The following NPAS3 variants were observed in gnomAD, a reference collection of about 807,000 sequenced individuals.
NPAS3 encodes the protein neuronal PAS domain protein 3.
In NPAS3, 14 loss-of-function variants were observed where a neutral mutation model predicts 73.1. The observed-to-expected ratio is 0.19, with a 90% confidence interval of 0.13 to 0.30. The LOEUF (loss-of-function observed/expected upper bound fraction) is 0.30. Among genes scored for constraint, NPAS3 ranks in the 10% least tolerant of loss-of-function variants. The probability of loss-of-function intolerance (pLI) is 1.00; values close to 1 mark genes in which losing one functional copy is unlikely to be tolerated. For missense variants in NPAS3, 1,096 were observed against 1,250.0 expected (o/e 0.88, Z 1.86); for synonymous variants, 620 against 541.5 (o/e 1.14, Z -2.01).
intron 2 of NPAS3, among the ~76,000 whole-genome samples, chr14:33,101,034 T>C (rs17538030): frequency 0.061 from 9,249 of 152,224 alleles, 363 homozygotes; most frequent in Middle Eastern, 0.13. Flanking sequence ...ATTGTAATGC[T>C]GTGTTCCTAG....
At chr14:33,780,511 C>A (rs773335924) in intron 9 of NPAS3, 1 of 400,062 alleles carries the variant, frequency 2.5e-6, no homozygotes, top group Non-Finnish European at 4.9e-6. Context: ...ATTTTGGAAT[C>A]TTAATTAAGG....
At chr14:33,389,743 G>A (rs1469104303) in intron 4 of NPAS3, among the ~76,000 whole-genome samples, 2 of 152,072 alleles carry the variant, frequency 1.3e-5, no homozygotes, top group African/African-American at 2.4e-5. Flanking sequence ...TAGCTAAAAT[G>A]TGATTAGCTT....
intron 2 of NPAS3, among the ~76,000 whole-genome samples, chr14:33,205,618 T>C (rs1242308136): frequency 6.6e-6 from 1 of 152,198 alleles, no homozygotes; most frequent in African/African-American, 2.4e-5. Flanking sequence ...GGTGAACTTG[T>C]ATTCTCAGCT....
chr14:33,663,622 C>T (rs990262558), intron 5 of NPAS3, among the ~76,000 whole-genome samples: 15 of 152,060 alleles, frequency 9.9e-5, no homozygotes, highest in East Asian at 3.9e-4. Context: ...AAGGATGGTA[C>T]GGGCTCCTCT....
At chr14:33,714,463 C>T (rs932805529) in intron 6 of NPAS3, among the ~76,000 whole-genome samples, 1 of 152,100 alleles carries the variant, frequency 6.6e-6, no homozygotes, top group South Asian at 2.1e-4. Context: ...ACACCAATTA[C>T]GATCCATACT....
chr14:33,737,341 T>A (rs1460383774), intron 7 of NPAS3, among the ~76,000 whole-genome samples: 3 of 152,176 alleles, frequency 2.0e-5, no homozygotes, highest in Non-Finnish European at 4.4e-5. Context: ...GGCTTAGGAT[T>A]AAAGATGCTT....
At chr14:33,714,760 A>G (rs2060914579) in intron 6 of NPAS3, among the ~76,000 whole-genome samples, 2 of 152,180 alleles carry the variant, frequency 1.3e-5, no homozygotes. Flanking sequence ...TGCATCTTAC[A>G]ATCACTGTCA....
intron 2 of NPAS3, among the ~76,000 whole-genome samples, chr14:33,181,260 A>G (rs2045789253): frequency 6.6e-6 from 1 of 152,206 alleles, no homozygotes; most frequent in African/African-American, 2.4e-5. Flanking sequence ...GTGGAAGGAA[A>G]AGAGGAAGGA....
At chr14:33,637,693 C>T (rs192395467) in intron 5 of NPAS3, among the ~76,000 whole-genome samples, 2 of 152,154 alleles carry the variant, frequency 1.3e-5, no homozygotes, top group Admixed American at 6.5e-5. Context: ...TTTTTGTTTG[C>T]TGTTTTTTTC....
intron 2 of NPAS3, among the ~76,000 whole-genome samples, chr14:33,065,646 A>T (rs1322244498): frequency 2.0e-5 from 3 of 152,024 alleles, no homozygotes; most frequent in Non-Finnish European, 4.4e-5. Flanking sequence ...ACCACATCTT[A>T]TTTAAATCCT....
At chr14:33,728,897 G>A (rs1310505915) in intron 6 of NPAS3, among the ~76,000 whole-genome samples, 2 of 152,264 alleles carry the variant, frequency 1.3e-5, no homozygotes, top group East Asian at 3.9e-4. Context: ...AAGAGAAAAA[G>A]CCTTCTTGGG....
chr14:33,510,831 C>G (rs952320456), intron 4 of NPAS3, among the ~76,000 whole-genome samples: 1 of 152,044 alleles, frequency 6.6e-6, no homozygotes, highest in Non-Finnish European at 1.5e-5. Flanking sequence ...CAAGGCAAAA[C>G]GTACCCCCTC....
intron 4 of NPAS3, among the ~76,000 whole-genome samples, chr14:33,490,457 T>C (rs929444033): frequency 1.2e-4 from 19 of 152,278 alleles, no homozygotes; most frequent in African/African-American, 3.6e-4. Context: ...GTAAGAGGGT[T>C]GTACTTCCTC....
chr14:33,382,675 A>G (rs1333273666), intron 4 of NPAS3, among the ~76,000 whole-genome samples: 2 of 152,212 alleles, frequency 1.3e-5, no homozygotes, highest in South Asian at 2.1e-4. Flanking sequence ...GAAATGTTGT[A>G]TCCTTACCTG....
intron 4 of NPAS3, among the ~76,000 whole-genome samples, chr14:33,551,053 C>G (rs1016155073): frequency 3.3e-5 from 5 of 152,126 alleles, no homozygotes; most frequent in African/African-American, 1.2e-4. Context: ...AGCAAAGAAC[C>G]TATTTACAAT....
chr14:33,715,349 T>C (rs769293270), intron 6 of NPAS3, among the ~76,000 whole-genome samples: 2 of 152,238 alleles, frequency 1.3e-5, no homozygotes, highest in Non-Finnish European at 2.9e-5. Context: ...TGGCACTTGA[T>C]GGCATAGTGT....
At chr14:33,709,279 A>G (rs143908785) in intron 6 of NPAS3, among the ~76,000 whole-genome samples, 1 of 152,342 alleles carries the variant, frequency 6.6e-6, no homozygotes, top group East Asian at 1.9e-4. Context: ...CATGAATAGG[A>G]GGTTAATCAG....
intron 2 of NPAS3, among the ~76,000 whole-genome samples, chr14:33,150,219 T>G (rs553302255): frequency 6.6e-6 from 1 of 152,338 alleles, no homozygotes; most frequent in Non-Finnish European, 1.5e-5. Context: ...TTTTAAAATG[T>G]AACTTACCCC....
At chr14:33,550,870 T>G (rs2055078007) in intron 4 of NPAS3, among the ~76,000 whole-genome samples, 1 of 152,150 alleles carries the variant, frequency 6.6e-6, no homozygotes, top group Non-Finnish European at 1.5e-5. Flanking sequence ...TATTGTAAAG[T>G]GAAGGACCCA....
Sources: allele counts gnomAD v4.1 joint callset (sites outside exome capture counted in the v4.1 genomes callset), GRCh38; gene constraint gnomAD v4.1.1; transcripts MANE v1.5; gene names NCBI Gene and HGNC (gene_info 2026-07-23, HGNC 2026-07-21).